FBXO4: variants seen among roughly 807,000 people sequenced by gnomAD.
FBXO4 encodes the protein F-box only protein 4.
FBXO4 carries 36 observed loss-of-function variants against 43.7 expected under a neutral mutation model. That is an observed-to-expected ratio of 0.82 (90% CI 0.63 to 1.09). The LOEUF is 1.09. FBXO4 is among the 50% of genes least tolerant of loss of function. The pLI is 0.00. For synonymous variants in FBXO4, 180 were observed against 165.6 expected, an observed-to-expected ratio of 1.09 and a Z score of -0.67; for missense variants, 435 against 474.1, an observed-to-expected ratio of 0.92 and a Z score of 0.77.
the FBXO4 span, among the ~76,000 whole-genome samples, chr5:42,009,683 A>C: frequency 6.6e-6 from 1 of 152,194 alleles, no homozygotes. Context: ...CTGTCTCATC[A>C]GTCACTGGAC....
the FBXO4 span, among the ~76,000 whole-genome samples, chr5:42,003,524 A>G: frequency 6.6e-6 from 1 of 152,106 alleles, no homozygotes; most frequent in Non-Finnish European, 1.5e-5. Context: ...TTATTTATTT[A>G]TTTTTTAAAT....
the FBXO4 span, among the ~76,000 whole-genome samples, chr5:41,949,635 C>T: frequency 6.6e-6 from 1 of 152,174 alleles, no homozygotes; most frequent in Non-Finnish European, 1.5e-5. Flanking sequence ...AATGGCCATA[C>T]TGCCCAAGGT....
At chr5:42,014,092 G>A in the FBXO4 span, among the ~76,000 whole-genome samples, 5 of 152,134 alleles carry the variant, frequency 3.3e-5, no homozygotes, top group African/African-American at 1.2e-4. Context: ...CTTGGCTGAG[G>A]CAGGTGTGGT....
chr5:41,993,864 T>A, the FBXO4 span, among the ~76,000 whole-genome samples: 1 of 152,020 alleles, frequency 6.6e-6, no homozygotes, highest in Non-Finnish European at 1.5e-5. Context: ...TTTGCATTTC[T>A]CTGGCTGCTT....
At chr5:42,037,718 G>T in the FBXO4 span, among the ~76,000 whole-genome samples, 2 of 152,050 alleles carry the variant, frequency 1.3e-5, no homozygotes, top group East Asian at 3.9e-4. Context: ...GGTCTGAAGG[G>T]CCACAGGGGA....
At chr5:42,030,044 T>C in the FBXO4 span, among the ~76,000 whole-genome samples, 3 of 152,112 alleles carry the variant, frequency 2.0e-5, no homozygotes, top group South Asian at 2.1e-4. Flanking sequence ...AGGTAATTTA[T>C]AGATTCAATG....
chr5:41,967,248 A>G, the FBXO4 span: 3 of 487,744 alleles, frequency 6.2e-6, no homozygotes, highest in Non-Finnish European at 1.2e-5. Context: ...TGCCACTGTC[A>G]TAGGGCCAAC....
chr5:41,962,829 C>T, the FBXO4 span, among the ~76,000 whole-genome samples: 1 of 152,176 alleles, frequency 6.6e-6, no homozygotes, highest in African/African-American at 2.4e-5. Context: ...ATCATCATGC[C>T]ATCCCACACT....
the FBXO4 span, among the ~76,000 whole-genome samples, chr5:41,984,965 T>A: frequency 6.6e-6 from 1 of 152,244 alleles, no homozygotes; most frequent in Non-Finnish European, 1.5e-5. Flanking sequence ...CTCTCCAAGT[T>A]GGGTTCTCTT....
chr5:41,938,809 C>T (rs1751920174), intron 5 of FBXO4, among the ~76,000 whole-genome samples: 1 of 152,194 alleles, frequency 6.6e-6, no homozygotes, highest in Non-Finnish European at 1.5e-5. Flanking sequence ...CAGCTGGGGG[C>T]TGTTATCAGC....
the FBXO4 span, among the ~76,000 whole-genome samples, chr5:41,972,760 G>A: frequency 6.6e-6 from 1 of 152,056 alleles, no homozygotes; most frequent in Non-Finnish European, 1.5e-5. Context: ...AGAAAACCCA[G>A]AAATAAAGCC....
At chr5:41,932,291 GTAA>G (rs1421147100) in intron 3 of FBXO4, among the ~76,000 whole-genome samples, 9 of 152,168 alleles carry the variant, frequency 5.9e-5, no homozygotes, top group African/African-American at 2.2e-4. Context: ...TGTTGAGAGG[GTAA>G]TCTCTGGGAG....
the FBXO4 span, among the ~76,000 whole-genome samples, chr5:41,951,048 A>G: frequency 2.0e-5 from 3 of 152,060 alleles, no homozygotes; most frequent in East Asian, 5.8e-4. Context: ...AACATCACAC[A>G]CCGGGGCCTG....
rs753947700 is a variant in FBXO4, at chr5:41,941,188, C to T, written c.1075-4C>T. 8.1e-6 allele frequency: 13 copies of T among 1,611,502 alleles called. No individual in the cohort carries two copies. The highest frequency in any genetic ancestry group is 2.2e-5 in the East Asian group (1 of 44,828). The stretch of plus-strand genomic sequence containing the variant: ...TAACAACATTCTCTCTTATGTATTC[C>T]GAGGTCCAGGATACAGAGGCTGAAA... On this transcript the variant is annotated splice_region_variant and splice_polypyrimidine_tract_variant and intron_variant, in intron 6 of 6. Transcript: ENST00000281623.
the FBXO4 span, among the ~76,000 whole-genome samples, chr5:41,996,883 G>A: frequency 6.6e-6 from 1 of 152,228 alleles, no homozygotes; most frequent in Non-Finnish European, 1.5e-5. Context: ...GCACACAAAT[G>A]TCTCAGCAAT....
the FBXO4 span, among the ~76,000 whole-genome samples, chr5:41,961,458 T>C: frequency 6.6e-6 from 1 of 152,090 alleles, no homozygotes. Context: ...GGGACTATGG[T>C]TCTGGAATCC....
chr5:42,021,576 G>T, the FBXO4 span, among the ~76,000 whole-genome samples: 1 of 152,124 alleles, frequency 6.6e-6, no homozygotes, highest in Non-Finnish European at 1.5e-5. Flanking sequence ...AGAAGTCATG[G>T]TTACAATTAA....
chr5:42,017,562 C>T, the FBXO4 span, among the ~76,000 whole-genome samples: 2,428 of 151,186 alleles, frequency 0.016, 123 homozygotes, highest in East Asian at 0.1. Flanking sequence ...AGCATAATAT[C>T]CAACACTTTT....
chr5:41,992,689 G>T, the FBXO4 span, among the ~76,000 whole-genome samples: 1 of 152,186 alleles, frequency 6.6e-6, no homozygotes, highest in Non-Finnish European at 1.5e-5. Flanking sequence ...TTTTAGATTT[G>T]AATTGTTATG....
Sources: allele counts gnomAD v4.1 joint callset (sites outside exome capture counted in the v4.1 genomes callset), GRCh38; gene constraint gnomAD v4.1.1; transcripts MANE v1.5; gene names NCBI Gene and HGNC (gene_info 2026-07-23, HGNC 2026-07-21).